Variants in DERL1 observed in about 807,000 individuals in gnomAD.
DERL1 encodes the protein derlin-1.
In DERL1, 24 loss-of-function variants were observed where a neutral mutation model predicts 41.6. That is an observed-to-expected ratio of 0.58 (90% CI 0.42 to 0.81). The LOEUF is 0.81. Among genes scored for constraint, DERL1 ranks in the 30% least tolerant of loss-of-function variants. DERL1 has a pLI of 0.00. For synonymous variants in DERL1, 124 were observed against 112.5 expected (o/e 1.10, Z -0.65); for missense variants, 260 against 314.3 (o/e 0.83, Z 1.31).
chr8:123,034,242 G>A (rs1018982294), intron 1 of DERL1, among the ~76,000 whole-genome samples: 21 of 152,258 alleles, frequency 1.4e-4, no homozygotes, highest in Middle Eastern at 3.4e-3. Context: ...TCCTTGTAGA[G>A]GGAAATGCAA....
At chr8:123,031,520 G>A in intron 1 of DERL1, among the ~76,000 whole-genome samples, 1 of 152,090 alleles carries the variant, frequency 6.6e-6, no homozygotes, top group East Asian at 1.9e-4. Context: ...ACTCCAGCCT[G>A]GGTGACGAGC....
chr8:123,036,080 C>A (rs1025919131), intron 1 of DERL1, among the ~76,000 whole-genome samples: 1 of 152,082 alleles, frequency 6.6e-6, no homozygotes, highest in Non-Finnish European at 1.5e-5. Flanking sequence ...GGCACTTAAT[C>A]TTTAAAAAGA....
chr8:123,015,494 C>T lies in DERL1; in HGVS notation c.709G>A (p.Gly237Ser). The T allele has an allele frequency of 6.2e-7, 1 of 1,613,602 alleles. No homozygotes were observed. The change falls in exon 8 of 8, where the codon GGC becomes AGC. Residue 237 changes from glycine (G) to serine (S), a missense_variant. Gly to Ser is a moderately conservative substitution (Grantham distance 56, BLOSUM62 0). Coordinates refer to ENST00000259512, the MANE Select transcript of DERL1 (RefSeq NM_024295.6). ...MRRAADQNGG[G>S]GRHNWGQGFR... ...CCCTGGCCCCAGTTGTGTCTCCCGC[C>T]TCCGCCATTCTGATCAGCAGCTCGC... is the stretch of plus-strand genomic sequence containing the variant.
At chr8:123,027,570 C>T (rs1586464605) in intron 2 of DERL1, among the ~76,000 whole-genome samples, 1 of 152,252 alleles carries the variant, frequency 6.6e-6, no homozygotes, top group Middle Eastern at 3.4e-3. Flanking sequence ...TTTCAAAATG[C>T]TCTGTAGTTG....
intron 2 of DERL1, among the ~76,000 whole-genome samples, chr8:123,027,307 AAAAAAAAAAAAAT>A (rs1292396063): frequency 2.7e-5 from 4 of 145,526 alleles, no homozygotes; most frequent in Non-Finnish European, 6.0e-5. Flanking sequence ...AAAAAAAAAA[AAAAAAAAAAAAAT>A]TTAGTGGTCT....
chr8:123,032,142 T>A (rs1563634090), intron 1 of DERL1, among the ~76,000 whole-genome samples: 1 of 149,680 alleles, frequency 6.7e-6, no homozygotes, highest in African/African-American at 2.5e-5. Context: ...TACATTTTTT[T>A]TTTCCCCCCC....
chr8:123,023,133 G>T (rs947613538), intron 4 of DERL1, among the ~76,000 whole-genome samples: 6 of 151,996 alleles, frequency 3.9e-5, no homozygotes, highest in African/African-American at 1.4e-4. Context: ...CACATGCCTA[G>T]AAAATACTAG....
At chr8:123,022,196 A>C (rs1812571208) in intron 5 of DERL1, among the ~76,000 whole-genome samples, 1 of 152,246 alleles carries the variant, frequency 6.6e-6, no homozygotes, top group South Asian at 2.1e-4. Context: ...CAGGAGATTC[A>C]GGAAATATGT....
chr8:123,019,127 G>A, intron 7 of DERL1, 68 bp downstream of exon 7: 1 of 1,066,020 alleles, frequency 9.4e-7, no homozygotes, highest in Non-Finnish European at 1.4e-6. Context: ...TCCTCATGGA[G>A]CTCTCATTAG....
Position 123,023,793 on chromosome 8 carries a change from A to C in DERL1, c.331-54T>G, listed in dbSNP as rs922794419. On this transcript the variant is annotated intron_variant, in intron 3 of 7. Coordinates refer to ENST00000259512, the MANE Select transcript of DERL1 (RefSeq NM_024295.6). ...TAAAAAAGCATTCTGTACCTAGTCA[A>C]GACTGATGTGGTTATTTTCCTCCCA... The C allele has an allele frequency of 1.6e-5, 26 of 1,576,732 alleles. No individual in the cohort carries two copies. In the African/African-American group the frequency reaches 3.4e-4, roughly 21 times the overall value.
In DERL1 at chr8:123,037,672, G is replaced by C. The variant is rs1563636047; in HGVS notation, c.153+4298C>G. On this transcript the variant is annotated intron_variant, in intron 1 of 7. Coordinates refer to ENST00000259512, the MANE Select transcript of DERL1 (RefSeq NM_024295.6). ...TTGCTACATACTTATTTTTTTCGTA[G>C]ATATTATGCAAAGGAGTTAAACAAA... Among the ~76,000 whole-genome samples, 6 of 152,224 alleles carry C rather than the reference G, an allele frequency of 3.9e-5. No individual in the cohort carries two copies. The East Asian group carries it at 1.2e-3, about 29-fold the overall frequency.
intron 6 of DERL1, among the ~76,000 whole-genome samples, chr8:123,021,114 GCT>G (rs560407261): frequency 1.3e-3 from 203 of 152,224 alleles, no homozygotes; most frequent in African/African-American, 4.4e-3. Context: ...TTTATACATA[GCT>G]CTTAGAGGAG....
intron 1 of DERL1, among the ~76,000 whole-genome samples, chr8:123,041,730 C>T (rs979769183): frequency 6.6e-6 from 1 of 152,200 alleles, no homozygotes; most frequent in African/African-American, 2.4e-5. Context: ...AGCACAATCT[C>T]ACTATACCAG....
intron 1 of DERL1, among the ~76,000 whole-genome samples, chr8:123,032,627 T>C (rs1421282740): frequency 2.6e-5 from 4 of 152,224 alleles, no homozygotes; most frequent in Admixed American, 2.6e-4. Context: ...TGGTTTTATT[T>C]TAGCACTTTC....
intron 2 of DERL1, among the ~76,000 whole-genome samples, chr8:123,028,946 T>C (rs565586204): frequency 6.6e-6 from 1 of 151,938 alleles, no homozygotes; most frequent in African/African-American, 2.4e-5. Context: ...TTAACACCCA[T>C]CCTTGTAGCT....
intron 2 of DERL1, among the ~76,000 whole-genome samples, chr8:123,028,414 C>T (rs1044468959): frequency 6.6e-6 from 1 of 152,162 alleles, no homozygotes; most frequent in Non-Finnish European, 1.5e-5. Context: ...AATCCATATA[C>T]ACGGAAAGTA....
At chr8:123,020,690 C>A (rs1814737721) in intron 6 of DERL1, among the ~76,000 whole-genome samples, 1 of 149,630 alleles carries the variant, frequency 6.7e-6, no homozygotes. Context: ...TGGCTCATGC[C>A]TGAAATCCCA....
chr8:123,020,467 C>G (rs576054049), intron 6 of DERL1, among the ~76,000 whole-genome samples: 87 of 151,896 alleles, frequency 5.7e-4, no homozygotes, highest in African/African-American at 2.0e-3. Flanking sequence ...GTGACAGAGC[C>G]AGACCCCATC....
intron 1 of DERL1, 70 bp downstream of exon 1, chr8:123,041,900 A>G: frequency 6.7e-7 from 1 of 1,482,034 alleles, no homozygotes; most frequent in Non-Finnish European, 9.0e-7. Flanking sequence ...GCAACATGCC[A>G]GCCTACGCTT....
Sources: allele counts gnomAD v4.1 joint callset (sites outside exome capture counted in the v4.1 genomes callset), GRCh38; gene constraint gnomAD v4.1.1; transcripts MANE v1.5; gene names NCBI Gene and HGNC (gene_info 2026-07-23, HGNC 2026-07-21).